The following URM1 variants were observed in gnomAD, a reference collection of about 807,000 sequenced individuals.
URM1 encodes the protein ubiquitin-related modifier 1.
Under a neutral mutation model 17.7 loss-of-function variants are expected in URM1, and 11 were observed. The observed-to-expected ratio is 0.62, with a 90% CI of 0.39 to 1.03. URM1 has a LOEUF of 1.03. URM1 is among the 50% of genes least tolerant of loss of function. The pLI is 0.00. For synonymous variants in URM1, 48 were observed against 50.6 expected (o/e 0.95, Z 0.22); for missense variants, 128 against 129.2 (o/e 0.99, Z 0.04).
chr9:128,389,499 A>G (rs1404768638), intron 4 of URM1, 167 bp from the exon 5 acceptor site: 1 of 1,553,630 alleles, frequency 6.4e-7, no homozygotes, highest in Admixed American at 2.0e-5. Flanking sequence ...ACATGGGAGT[A>G]CTCCTCCATC....
At chr9:128,383,684 T>C (rs1260118327) in intron 2 of URM1, among the ~76,000 whole-genome samples, 1 of 152,186 alleles carries the variant, frequency 6.6e-6, no homozygotes, top group African/African-American at 2.4e-5. Flanking sequence ...GCTGACCTCC[T>C]GTCCCTGGAG....
At chr9:128,388,231 C>T (rs1833254219) in intron 3 of URM1, 19 of 1,149,072 alleles carry the variant, frequency 1.7e-5, no homozygotes, top group African/African-American at 3.2e-5. Flanking sequence ...GAGGAAAAAA[C>T]GTAGCTAGTA....
intron 1 of URM1, among the ~76,000 whole-genome samples, chr9:128,373,906 A>G (rs781651792): frequency 2.0e-5 from 3 of 152,220 alleles, no homozygotes; most frequent in Non-Finnish European, 4.4e-5. Context: ...AACAAAATAT[A>G]TATATACGTG....
chr9:128,377,429 T>C (rs974694339), intron 1 of URM1, among the ~76,000 whole-genome samples: 2 of 152,134 alleles, frequency 1.3e-5, no homozygotes, highest in African/African-American at 2.4e-5. Flanking sequence ...TTCCAGCACT[T>C]TGAGAGGCCA....
intron 2 of URM1, among the ~76,000 whole-genome samples, chr9:128,384,976 C>G (rs1323324422): frequency 6.6e-6 from 1 of 152,124 alleles, no homozygotes; most frequent in Non-Finnish European, 1.5e-5. Context: ...TGAGCTGGAT[C>G]GTGATTCAAG....
intron 2 of URM1, among the ~76,000 whole-genome samples, chr9:128,378,658 CA>C (rs1237680996): frequency 1.4e-5 from 2 of 145,598 alleles, no homozygotes; most frequent in Admixed American, 1.4e-4. Flanking sequence ...CAGACATGAA[CA>C]AAAGCCAGTC....
intron 2 of URM1, among the ~76,000 whole-genome samples, chr9:128,379,834 C>T (rs1018243738): frequency 6.8e-6 from 1 of 147,476 alleles, no homozygotes. Context: ...TAAAATAAAC[C>T]AGGCACAGTG....
At chr9:128,371,731 C>T (rs1833015589) in intron 1 of URM1, among the ~76,000 whole-genome samples, 2 of 152,210 alleles carry the variant, frequency 1.3e-5, no homozygotes, top group African/African-American at 2.4e-5. Flanking sequence ...TATCTCGGAC[C>T]AATCCCATCT....
At chr9:128,386,545 G>A (rs925449771) in intron 2 of URM1, among the ~76,000 whole-genome samples, 5 of 152,270 alleles carry the variant, frequency 3.3e-5, no homozygotes, top group Non-Finnish European at 2.9e-5. Flanking sequence ...ACCAAGCAAA[G>A]TGGACCATCC....
intron 2 of URM1, among the ~76,000 whole-genome samples, chr9:128,379,117 T>A (rs1463048640): frequency 6.6e-6 from 1 of 152,102 alleles, no homozygotes; most frequent in Non-Finnish European, 1.5e-5. Context: ...ACTGAGATAC[T>A]TCTGGGGAGA....
chr9:128,390,001 CA>C lies in URM1; in HGVS notation c.*269del. The C allele has an allele frequency of 3.7e-6, 2 of 541,724 alleles. No homozygotes were observed. Among genetic ancestry groups the C allele is most frequent in the Non-Finnish European group, 6.5e-6 (2 of 307,256 alleles). 33.6% of individuals were successfully genotyped at this position (541,724 alleles called of 1,614,324 possible). ...GGGGGAGGGTTCCCCTCCAGTTTGTCAAGAGTTGAAGGAGGCTCTGTGGCCA... is the reference window on the plus strand; with the variant it reads ...GGGGGAGGGTTCCCCTCCAGTTTGTCAGAGTTGAAGGAGGCTCTGTGGCCA... On this transcript the variant is annotated 3_prime_UTR_variant, in exon 5 of 5. Coordinates refer to ENST00000372853, the MANE Select transcript of URM1 (RefSeq NM_030914.4).
At chr9:128,389,118 C>T (rs1833268449) in intron 3 of URM1, 143 bp from the exon 4 acceptor site, 1 of 1,461,782 alleles carries the variant, frequency 6.8e-7, no homozygotes, top group South Asian at 1.5e-5. Flanking sequence ...CCAGCCTCCC[C>T]TTCCTGGGAT....
chr9:128,381,962 A>G lies in URM1; in HGVS notation c.106+3856A>G, dbSNP rs1833165063. Among the ~76,000 whole-genome samples the G allele has an allele frequency of 2.0e-5, 3 of 152,208 alleles. No individual in the cohort carries two copies. In the South Asian group the frequency reaches 6.2e-4, roughly 31 times the overall value. The stretch of plus-strand genomic sequence containing the variant: ...AACAACTACTTATTTCAACTTTCAG[A>G]TGACCCCAAGAGATAAGAGACCCCT... On this transcript the variant is annotated intron_variant, in intron 2 of 4. Transcript: ENST00000372853.
At chr9:128,376,105 A>T (rs1186069433) in intron 1 of URM1, among the ~76,000 whole-genome samples, 9 of 151,496 alleles carry the variant, frequency 5.9e-5, no homozygotes, top group African/African-American at 2.2e-4. Flanking sequence ...AGGCATGATG[A>T]CTCACAACTC....
intron 2 of URM1, among the ~76,000 whole-genome samples, chr9:128,383,952 A>T (rs1010190770): frequency 6.6e-6 from 1 of 152,110 alleles, no homozygotes; most frequent in Non-Finnish European, 1.5e-5. Context: ...AGCCCAGAGG[A>T]TGAGGAATCT....
chr9:128,387,592 A>T lies in URM1; in HGVS notation c.107-224A>T, dbSNP rs1833245060. On this transcript the variant is annotated intron_variant, in intron 2 of 4. Transcript: ENST00000372853. The surrounding 1 kb of genome is among the most constrained non-coding windows in gnomAD (Gnocchi z 4.3). ...ATTGCCTCTTCTCCAGGACTTCAGCAGTGCCAGGTGCAGCTTTCTCTGAAG... is the reference window on the plus strand; with the variant it reads ...ATTGCCTCTTCTCCAGGACTTCAGCTGTGCCAGGTGCAGCTTTCTCTGAAG... 6.6e-6 allele frequency among the ~76,000 whole-genome samples: 1 copy of T among 152,196 alleles called. No individual in the cohort carries two copies. The highest frequency in any genetic ancestry group is 2.4e-5 in the African/African-American group (1 of 41,452).
chr9:128,386,322 A>G (rs1418845516), intron 2 of URM1, among the ~76,000 whole-genome samples: 1 of 152,254 alleles, frequency 6.6e-6, no homozygotes, highest in East Asian at 1.9e-4. Flanking sequence ...TCTGAAACCC[A>G]GACCTCAGGG....
At chr9:128,383,450 G>T (rs1371638247) in intron 2 of URM1, among the ~76,000 whole-genome samples, 1 of 152,126 alleles carries the variant, frequency 6.6e-6, no homozygotes, top group Non-Finnish European at 1.5e-5. Context: ...GAGCCGTCTT[G>T]GAGCCTGGTG....
At chr9:128,384,640 C>T (rs927488767) in intron 2 of URM1, among the ~76,000 whole-genome samples, 8 of 152,098 alleles carry the variant, frequency 5.3e-5, no homozygotes, top group South Asian at 2.1e-4. Context: ...CCAGAGAGCG[C>T]GAGGGGTATA....
Sources: gnomAD v4.1 joint callset for allele counts (sites outside exome capture counted in the v4.1 genomes callset) on GRCh38, gnomAD v4.1.1 for gene constraint, Gnocchi (gnomAD v3.1) non-coding constraint, MANE v1.5 for transcripts, NCBI Gene and HGNC (gene_info 2026-07-23, HGNC 2026-07-21) for gene names.